Variants in PSMA6 observed in about 807,000 individuals in gnomAD.
PSMA6 encodes the protein proteasome 20S subunit alpha 6.
For missense variants in PSMA6, 170 were observed against 294.8 expected (o/e 0.58, Z 3.10); for synonymous variants, 88 against 97.7 (o/e 0.90, Z 0.59).
chr14:35,297,664 A>G (rs1428029338), intron 1 of PSMA6, among the ~76,000 whole-genome samples: 1 of 152,212 alleles, frequency 6.6e-6, no homozygotes, highest in East Asian at 1.9e-4. Flanking sequence ...TTACATTTCT[A>G]ATAATTGGTA....
intron 5 of PSMA6, chr14:35,313,774 C>T (rs1190773587): frequency 6.6e-6 from 1 of 152,188 alleles, no homozygotes; most frequent in Non-Finnish European, 1.5e-5. Context: ...TCCTGGCCAA[C>T]ATGGCGAAAC....
At chr14:35,287,660 G>A (rs569415713), upstream of PSMA6, among the ~76,000 whole-genome samples, 12 of 152,282 alleles carry the variant, frequency 7.9e-5, no homozygotes, top group African/African-American at 1.9e-4. Flanking sequence ...CAAGACTCAC[G>A]AGATGTCAAG....
intron 1 of PSMA6, among the ~76,000 whole-genome samples, chr14:35,283,452 A>G (rs1280511786): frequency 1.3e-5 from 2 of 152,006 alleles, no homozygotes; most frequent in Non-Finnish European, 2.9e-5. Context: ...CACAATGTCA[A>G]TAGGTATCTC....
intron 1 of PSMA6, among the ~76,000 whole-genome samples, chr14:35,285,881 G>T (rs10142846): frequency 0.14 from 21,254 of 152,222 alleles, 2,737 homozygotes; most frequent in African/African-American, 0.33. Context: ...GTAAGAATTA[G>T]CTGCTTTCCA....
chr14:35,293,047 C>T (rs766621896), intron 1 of PSMA6: 3 of 456,440 alleles, frequency 6.6e-6, no homozygotes, highest in South Asian at 4.6e-5. Flanking sequence ...AATGTTACAC[C>T]CTCTTCTATA....
At chr14:35,292,285 C>A, upstream of PSMA6, 2 of 1,403,512 alleles carry the variant, frequency 1.4e-6, no homozygotes, top group East Asian at 2.8e-5. Flanking sequence ...CACTCCACCA[C>A]CCCCTTAGGG....
intron 1 of PSMA6, among the ~76,000 whole-genome samples, chr14:35,285,786 G>C (rs1325937287): frequency 6.6e-6 from 1 of 152,224 alleles, no homozygotes; most frequent in Non-Finnish European, 1.5e-5. Context: ...AAGATGTAGG[G>C]AGGTACCATG....
At chr14:35,314,792 T>A (rs2138759949) in intron 6 of PSMA6, 1 of 157,642 alleles carries the variant, frequency 6.3e-6, no homozygotes, top group South Asian at 2.0e-4. Flanking sequence ...AAAGTAGTAG[T>A]TTGCAAGTTT....
intron 4 of PSMA6, among the ~76,000 whole-genome samples, chr14:35,311,978 A>G (rs748764445): frequency 6.6e-6 from 1 of 152,198 alleles, no homozygotes; most frequent in East Asian, 1.9e-4. Flanking sequence ...CAGAAGAACT[A>G]CTGAGTTAAA....
At chr14:35,284,049 T>A (rs1221546187) in intron 1 of PSMA6, among the ~76,000 whole-genome samples, 1 of 152,184 alleles carries the variant, frequency 6.6e-6, no homozygotes, top group Non-Finnish European at 1.5e-5. Context: ...AATTCTAGTC[T>A]TGCCACTCTC....
intron 1 of PSMA6, among the ~76,000 whole-genome samples, chr14:35,306,715 G>T (rs898083291): frequency 6.6e-6 from 1 of 151,968 alleles, no homozygotes; most frequent in Non-Finnish European, 1.5e-5. Context: ...TCTTACTGTC[G>T]AAAGACAGCC....
chr14:35,278,696 G>A, exon 1 of PSMA6: 2 of 1,534,762 alleles, frequency 1.3e-6, no homozygotes, highest in Non-Finnish European at 1.7e-6. Context: ...CTTTGGAGGT[G>A]GCTATGGCAG....
chr14:35,310,633 A>T, intron 3 of PSMA6, 107 bp from the exon 4 acceptor site: 1 of 1,082,296 alleles, frequency 9.2e-7, no homozygotes, highest in South Asian at 1.4e-5. Context: ...CTTTCTCTTT[A>T]ACTCATGTAT....
intron 6 of PSMA6, chr14:35,316,564 C>CT (rs2052049369): frequency 6.6e-6 from 1 of 151,972 alleles, no homozygotes; most frequent in Admixed American, 6.6e-5. Context: ...TTCAGTTATA[C>CT]TACATATAAA....
chr14:35,301,799 G>A (rs1051825566), intron 1 of PSMA6, among the ~76,000 whole-genome samples: 29 of 152,124 alleles, frequency 1.9e-4, no homozygotes, highest in African/African-American at 7.0e-4. Context: ...ACTCTTTTGT[G>A]GCTTTTACCT....
At chr14:35,308,442 A>C (rs2051874732) in intron 2 of PSMA6, 1 of 188,266 alleles carries the variant, frequency 5.3e-6, no homozygotes, top group Non-Finnish European at 1.1e-5. Context: ...AGAAAAAAGA[A>C]AAGAAAAAAG....
upstream of PSMA6, among the ~76,000 whole-genome samples, chr14:35,291,050 G>A (rs2051472938): frequency 6.6e-6 from 1 of 151,228 alleles, no homozygotes. Flanking sequence ...GGAGTGCAGT[G>A]GCGTGATCAT....
rs796728174 is a variant in PSMA6, at chr14:35,285,360, A to AAC, written c.19+6643_19+6644insCA. 1.7e-3 allele frequency among the ~76,000 whole-genome samples: 263 copies of AAC among 150,856 alleles called. 2 individuals are homozygous for AAC. Among genetic ancestry groups the AAC allele is most frequent in the East Asian group, 4.7e-3 (24 of 5,112 alleles). ...ATCTCAAAAAAAACAAAAAACAAAAAAAAAAACCGTAGCACACTCTTGCTT... is the reference window on the plus strand; with the variant it reads ...ATCTCAAAAAAAACAAAAAACAAAAAACAAAAAACCGTAGCACACTCTTGCTT... On this transcript the variant is annotated intron_variant, in intron 1 of 6. Transcript: ENST00000540871.
At chr14:35,289,762 A>T (rs183521945), upstream of PSMA6, among the ~76,000 whole-genome samples, 6,766 of 151,914 alleles carry the variant, frequency 0.045, 215 homozygotes, top group Non-Finnish European at 0.065. Flanking sequence ...TCTAAAAAAA[A>T]TTTTTTTTAA....
Sources: gnomAD v4.1 joint callset for allele counts (sites outside exome capture counted in the v4.1 genomes callset) on GRCh38, gnomAD v4.1.1 for gene constraint, MANE v1.5 for transcripts, NCBI Gene and HGNC (gene_info 2026-07-23, HGNC 2026-07-21) for gene names.